ADCY7: variants seen among roughly 807,000 people sequenced by gnomAD.
ADCY7 encodes the protein adenylate cyclase type 7.
A neutral mutation model predicts 120.6 loss-of-function variants in ADCY7; 72 were observed. The observed-to-expected ratio is 0.60, with a 90% CI of 0.49 to 0.73. The LOEUF is 0.73. Ranked by LOEUF, ADCY7 falls within the 30% of genes least tolerant of loss-of-function variation. The probability of loss-of-function intolerance (pLI) is 0.00; values close to 1 mark genes in which losing one functional copy is unlikely to be tolerated. For synonymous variants in ADCY7, 661 were observed against 628.0 expected (o/e 1.05, Z -0.78); for missense variants, 1,227 against 1,486.0 (o/e 0.83, Z 2.87).
intron 1 of ADCY7, among the ~76,000 whole-genome samples, chr16:50,252,783 G>T (rs946380092): frequency 6.6e-6 from 1 of 152,086 alleles, no homozygotes; most frequent in African/African-American, 2.4e-5. Context: ...ATTTTTAAAT[G>T]GTTTTCATTT....
intron 7 of ADCY7, 25 bp downstream of exon 7, chr16:50,294,776 C>T (rs2035235452): frequency 7.1e-6 from 11 of 1,548,088 alleles, no homozygotes; most frequent in Non-Finnish European, 8.9e-6. Flanking sequence ...CTACAATGGG[C>T]AAAGCCAGGC....
intron 18 of ADCY7, 48 bp downstream of exon 18, chr16:50,309,694 C>G: frequency 6.6e-7 from 1 of 1,524,902 alleles, no homozygotes. Context: ...AGTGGGGCTG[C>G]TGCTGCCAGA....
At chr16:50,272,066 G>A (rs1451048979) in intron 1 of ADCY7, among the ~76,000 whole-genome samples, 2 of 152,210 alleles carry the variant, frequency 1.3e-5, no homozygotes, top group African/African-American at 2.4e-5. Context: ...CCCGTTTCCA[G>A]TTGTGTTTCC....
intron 1 of ADCY7, among the ~76,000 whole-genome samples, chr16:50,282,085 C>T (rs551337134): frequency 6.4e-4 from 98 of 152,302 alleles, no homozygotes; most frequent in African/African-American, 2.3e-3. Flanking sequence ...TCCAAGGTCC[C>T]CACTTCCCCT....
At position 50,291,814 on chromosome 16, in the gene ADCY7, G is replaced by A. The variant is rs765997631; in HGVS notation, c.454G>A (p.Ala152Thr). The A allele has an allele frequency of 1.9e-6, 3 of 1,614,090 alleles. No homozygotes were observed. In the Admixed American group the frequency reaches 5.0e-5, roughly 27 times the overall value. ...CATGCGGGGCGCTGTCGCCGTTGGG[G>A]CCGTCTCCACTGCCTCCCACCTCCT... ...FSMRGAVAVG[A>T]VSTASHLLVL... is the part of the protein sequence containing the mutation. Residue 152 changes from alanine (A) to threonine (T), a missense_variant, in exon 4 of 26, where the codon GCC becomes ACC. This residue lies in a region of ADCY7 where 382 missense variants were observed against 411.4 expected (regional missense o/e 0.93). Transcript: ENST00000673801.
chr16:50,259,871 A>G (rs1283925582), intron 1 of ADCY7, among the ~76,000 whole-genome samples: 1 of 152,178 alleles, frequency 6.6e-6, no homozygotes, highest in Non-Finnish European at 1.5e-5. Context: ...CCTGCACAGG[A>G]ACAGATCCCT....
At chr16:50,265,365 AC>A (rs1555515901), upstream of ADCY7, among the ~76,000 whole-genome samples, 19 of 124,836 alleles carry the variant, frequency 1.5e-4, no homozygotes, top group Non-Finnish European at 3.0e-4. Context: ...GCAGCCTGGA[AC>A]CCTGTGTGAG....
chr16:50,282,146 C>G (rs2034312018), intron 1 of ADCY7, among the ~76,000 whole-genome samples: 1 of 152,190 alleles, frequency 6.6e-6, no homozygotes, highest in African/African-American at 2.4e-5. Context: ...TGAGGCTCGG[C>G]CGGAGGAAGC....
intron 7 of ADCY7, among the ~76,000 whole-genome samples, chr16:50,296,219 A>AT (rs2035339221): frequency 1.3e-5 from 2 of 151,966 alleles, no homozygotes; most frequent in South Asian, 4.1e-4. Flanking sequence ...CCCCAGGCTA[A>AT]TTTTTTTGTA....
Position 50,314,005 on chromosome 16 carries a change from C to T in ADCY7, c.2799C>T (p.Ile933=), listed in dbSNP as rs148103395. Reference sequence around the variant, plus strand: ...GCGGCGTGGAGAAGATCAAGACCATCGGCAGCACGTACATGGCAGCTGCAG... The same window carrying T: ...GCGGCGTGGAGAAGATCAAGACCATTGGCAGCACGTACATGGCAGCTGCAG... ...KFSGVEKIKT[I]GSTYMAAAGL... Residue 933 remains isoleucine, a synonymous_variant, in exon 23 of 26, where the codon ATC becomes ATT. Coordinates refer to ENST00000673801, the MANE Select transcript of ADCY7 (RefSeq NM_001114.5). 320 of 1,614,182 alleles carry T rather than the reference C, an allele frequency of 2.0e-4. No homozygotes were observed. The highest frequency in any genetic ancestry group is 9.4e-4 in the East Asian group (42 of 44,882).
intron 1 of ADCY7, among the ~76,000 whole-genome samples, chr16:50,282,257 T>C (rs1459453898): frequency 6.6e-6 from 1 of 152,198 alleles, no homozygotes; most frequent in Non-Finnish European, 1.5e-5. Context: ...CTGCAAGGGC[T>C]GTGGTTGTGC....
At chr16:50,253,066 A>G (rs1213587267) in intron 1 of ADCY7, among the ~76,000 whole-genome samples, 1 of 152,160 alleles carries the variant, frequency 6.6e-6, no homozygotes, top group Non-Finnish European at 1.5e-5. Context: ...TGTTACAGAC[A>G]TCAGCAGCCC....
rs2036860290 is a variant in ADCY7, at chr16:50,317,538, A to G, written c.*2033A>G. 6.6e-6 allele frequency: 1 copy of G among 152,362 alleles called. No individual in the cohort carries two copies. The highest frequency in any genetic ancestry group is 6.5e-5 in the Admixed American group (1 of 15,284). 9.4% of individuals were successfully genotyped at this position (152,362 alleles called of 1,614,324 possible). On this transcript the variant is annotated 3_prime_UTR_variant, in exon 26 of 26. Coordinates refer to ENST00000673801, the MANE Select transcript of ADCY7 (RefSeq NM_001114.5). Reference sequence around the variant, plus strand: ...AGTAACAACAGAAACCCCAGTTGGGAGTTTAACAAATAACTGACTACCACT... The same window carrying G: ...AGTAACAACAGAAACCCCAGTTGGGGGTTTAACAAATAACTGACTACCACT...
At chr16:50,266,363 G>A (rs1377253586), upstream of ADCY7, among the ~76,000 whole-genome samples, 1 of 152,216 alleles carries the variant, frequency 6.6e-6, no homozygotes, top group Middle Eastern at 3.2e-3. Flanking sequence ...AAATTTCCAT[G>A]AAGTCATTGG....
chr16:50,283,418 A>C (rs1354310215), intron 1 of ADCY7, among the ~76,000 whole-genome samples: 1 of 152,168 alleles, frequency 6.6e-6, no homozygotes, highest in Non-Finnish European at 1.5e-5. Flanking sequence ...GGTCACCGAC[A>C]AAAGAGAACG....
At chr16:50,305,079 T>C (rs751438910) in intron 12 of ADCY7, 120 bp downstream of exon 12, 16 of 1,325,574 alleles carry the variant, frequency 1.2e-5, no homozygotes, top group Admixed American at 7.0e-5. Context: ...CTCTGTGAAG[T>C]TGGCCAGGGC....
At chr16:50,248,353 A>G (rs1051988567) in intron 1 of ADCY7, among the ~76,000 whole-genome samples, 3 of 152,148 alleles carry the variant, frequency 2.0e-5, no homozygotes, top group Admixed American at 6.5e-5. Flanking sequence ...AGAGGGGCCT[A>G]TGTCCCCTCC....
At chr16:50,254,711 A>G (rs1178802019) in intron 1 of ADCY7, among the ~76,000 whole-genome samples, 3 of 152,182 alleles carry the variant, frequency 2.0e-5, no homozygotes, top group Non-Finnish European at 2.9e-5. Flanking sequence ...AAGCTATTCA[A>G]TGCAGCCTTT....
chr16:50,300,908 C>G, intron 9 of ADCY7, 35 bp downstream of exon 9: 1 of 1,548,084 alleles, frequency 6.5e-7, no homozygotes, highest in Non-Finnish European at 8.7e-7. Flanking sequence ...GGGACAGAGG[C>G]CTGGGGCTGG....
Sources: allele counts gnomAD v4.1 joint callset (sites outside exome capture counted in the v4.1 genomes callset), GRCh38; gene constraint gnomAD v4.1.1; regional missense constraint gnomAD v4.1.1; transcripts MANE v1.5; gene names NCBI Gene and HGNC (gene_info 2026-07-23, HGNC 2026-07-21).